The following DNASE1 variants were observed in gnomAD, a reference collection of about 807,000 sequenced individuals.
DNASE1 encodes deoxyribonuclease 1.
A neutral mutation model predicts 33.9 loss-of-function variants in DNASE1; 40 were observed. The ratio of observed to expected loss-of-function variants is 1.18; its 90% CI spans 0.92 to 1.54. The LOEUF is 1.54. Among genes scored for constraint, DNASE1 ranks in the 40% most tolerant of loss-of-function variants. The pLI is 0.00. For missense variants in DNASE1, 518 were observed against 372.6 expected (o/e 1.39, Z -3.21); for synonymous variants, 216 against 160.0 (o/e 1.35, Z -2.64).
At chr16:3,639,313 T>C (rs557365027), upstream of DNASE1, among the ~76,000 whole-genome samples, 232 of 152,306 alleles carry the variant, frequency 1.5e-3, 5 homozygotes, top group African/African-American at 5.2e-3. Context: ...ATGTGGGACA[T>C]ATAGGGTGCT....
At position 3,617,152 on chromosome 16, in the gene DNASE1, C is replaced by A. The variant is rs181435968; in HGVS notation, c.-1359+5146C>A. 2.5e-3 allele frequency among the ~76,000 whole-genome samples: 378 copies of A among 151,578 alleles called. 3 individuals carry two copies. The highest frequency in any genetic ancestry group is 8.8e-3 in the African/African-American group (362 of 41,270). ...GACCAGCCTGACCAACGTGGAGAAA[C>A]CCCGTCTGTACTAAAAATACAAAAT... On this transcript the variant is annotated intron_variant and NMD_transcript_variant, in intron 1 of 11. Coordinates refer to the DNASE1 transcript ENST00000570769.
downstream of DNASE1, chr16:3,661,198 C>A (rs2151236924): frequency 1.3e-5 from 2 of 151,910 alleles, no homozygotes; most frequent in East Asian, 3.9e-4. Context: ...ATGTAAGGTA[C>A]CAAAGGATGT....
At chr16:3,653,966 C>G (rs552798925), upstream of DNASE1, 2 of 158,686 alleles carry the variant, frequency 1.3e-5, no homozygotes, top group African/African-American at 4.8e-5. Context: ...TAAAAATTAG[C>G]CAGGCATGGT....
In DNASE1 at chr16:3,654,730, G is replaced by T; in HGVS notation, c.-316G>T. On this transcript the variant is annotated 5_prime_UTR_variant, in exon 1 of 9. Coordinates refer to ENST00000246949, the MANE Select transcript of DNASE1 (RefSeq NM_005223.4). ...AGCAAGAAACCTGTGCTTACAGAAAGAAACACGTGCTAGCAACCCACCTAT... is the reference window on the plus strand; with the variant it reads ...AGCAAGAAACCTGTGCTTACAGAAATAAACACGTGCTAGCAACCCACCTAT... 2.5e-6 allele frequency: 1 copy of T among 399,168 alleles called. No individual in the cohort carries two copies. The allele number at this position is 399,168 out of a possible 1,614,324, so 24.7% of individuals were successfully genotyped here. A position where few individuals can be genotyped will look rare whatever the true frequency, so the allele number is the denominator to read the frequency against.
intron 1 of DNASE1, among the ~76,000 whole-genome samples, chr16:3,620,343 T>A (rs897430169): frequency 6.6e-6 from 1 of 151,996 alleles, no homozygotes; most frequent in Non-Finnish European, 1.5e-5. Context: ...TCAAAAGGCT[T>A]CGTATAATTA....
intron 1 of DNASE1, among the ~76,000 whole-genome samples, chr16:3,645,356 C>T (rs971777208): frequency 6.6e-6 from 1 of 152,160 alleles, no homozygotes; most frequent in African/African-American, 2.4e-5. Context: ...TCATTGCGAC[C>T]CTTGTTGGAA....
chr16:3,663,554 G>T, exon 10 of DNASE1: 1 of 1,613,926 alleles, frequency 6.2e-7, no homozygotes, highest in Non-Finnish European at 8.5e-7. Context: ...GCTCAAAGCA[G>T]AAGAGAACCT....
At chr16:3,631,035 T>C (rs994254266) in intron 1 of DNASE1, among the ~76,000 whole-genome samples, 1 of 152,040 alleles carries the variant, frequency 6.6e-6, no homozygotes, top group Non-Finnish European at 1.5e-5. Context: ...TATTTATTTA[T>C]TTTTTTAGAG....
In DNASE1 at chr16:3,619,115, A is replaced by T. The variant is rs1176049542; in HGVS notation, c.-1359+7109A>T. Among the ~76,000 whole-genome samples, 3 of 151,976 alleles carry T rather than the reference A, an allele frequency of 2.0e-5. No homozygotes were observed. In the East Asian group the frequency reaches 5.8e-4, roughly 29 times the overall value. On this transcript the variant is annotated intron_variant and NMD_transcript_variant, in intron 1 of 11. Coordinates refer to the DNASE1 transcript ENST00000570769. ...AGTGGGGCAATCTCAGCTCACTGCA[A>T]CCTCCACATCCCAGGCTCAAGTGAT...
intron 1 of DNASE1, among the ~76,000 whole-genome samples, chr16:3,644,522 C>T (rs1166742516): frequency 6.6e-6 from 1 of 150,790 alleles, no homozygotes; most frequent in Non-Finnish European, 1.5e-5. Context: ...AAGATTGCAC[C>T]CCTGCACTCC....
At chr16:3,642,394 G>A (rs926574574), upstream of DNASE1, among the ~76,000 whole-genome samples, 2 of 152,216 alleles carry the variant, frequency 1.3e-5, no homozygotes, top group African/African-American at 2.4e-5. Flanking sequence ...TGGGACAGAA[G>A]CCTGTCCCCT....
chr16:3,658,274 C>A (rs1459364379), downstream of DNASE1: 20 of 1,473,696 alleles, frequency 1.4e-5, no homozygotes, highest in Admixed American at 2.0e-5. Flanking sequence ...GCATGGGGCA[C>A]CTTTTCATTT....
intron 1 of DNASE1, among the ~76,000 whole-genome samples, chr16:3,628,089 CCTTA>C (rs1422637205): frequency 1.3e-5 from 2 of 152,064 alleles, no homozygotes; most frequent in East Asian, 1.9e-4. Flanking sequence ...TGATGTTTTT[CCTTA>C]CTTATATCTT....
chr16:3,655,407 G>C lies in DNASE1; in HGVS notation c.34G>C (p.Ala12Pro). 1 of 1,614,098 alleles carries C rather than the reference G, an allele frequency of 6.2e-7. No individual in the cohort carries two copies. ...CATGAAGCTGCTGGGGGCGCTGCTG[G>C]CACTGGCGGCCCTACTGCAGGGGGC... ...RGMKLLGALL[A>P]LAALLQGAVS... Residue 12 changes from alanine to proline, a missense_variant, in exon 2 of 9, where the codon GCA becomes CCA. Physicochemically the swap from Ala to Pro is conservative, Grantham distance 27. Transcript: ENST00000246949.
chr16:3,664,674 T>G, exon 10 of DNASE1: 1 of 549,918 alleles, frequency 1.8e-6, no homozygotes, highest in South Asian at 2.5e-5. Flanking sequence ...AGGAAGCACC[T>G]CCTGCCCCAG....
upstream of DNASE1, among the ~76,000 whole-genome samples, chr16:3,638,886 A>G (rs1470567059): frequency 1.3e-5 from 2 of 152,082 alleles, no homozygotes; most frequent in African/African-American, 4.8e-5. Context: ...TTTGGTGTTA[A>G]TCCCATCCAG....
At chr16:3,613,193 T>C (rs549579482) in intron 1 of DNASE1, among the ~76,000 whole-genome samples, 2 of 152,306 alleles carry the variant, frequency 1.3e-5, no homozygotes, top group East Asian at 3.9e-4. Context: ...TCTGTGGTTT[T>C]GCGTATTCAG....
intron 1 of DNASE1, among the ~76,000 whole-genome samples, chr16:3,612,668 C>G (rs2040939875): frequency 6.6e-6 from 1 of 151,858 alleles, no homozygotes; most frequent in Admixed American, 6.6e-5. Context: ...CTCGGCCTCC[C>G]AAAGCGCTGA....
intron 1 of DNASE1, among the ~76,000 whole-genome samples, chr16:3,649,291 T>C (rs1018973333): frequency 5.9e-5 from 9 of 152,240 alleles, no homozygotes; most frequent in Non-Finnish European, 2.9e-5. Flanking sequence ...CTTCTCGAGC[T>C]ATGGGTTACT....
Sources: allele counts gnomAD v4.1 joint callset (sites outside exome capture counted in the v4.1 genomes callset), GRCh38; gene constraint gnomAD v4.1.1; transcripts MANE v1.5; gene names NCBI Gene and HGNC (gene_info 2026-07-23, HGNC 2026-07-21).